The following SAP130 variants were observed in gnomAD, a reference collection of about 807,000 sequenced individuals.
SAP130 encodes the protein Sin3A associated protein 130.
Under a neutral mutation model 103.2 loss-of-function variants are expected in SAP130, and 16 were observed. The ratio of observed to expected loss-of-function variants is 0.16; its 90% CI spans 0.10 to 0.24. The LOEUF (loss-of-function observed/expected upper bound fraction) is 0.24, where lower values mean the gene tolerates loss of function less well. Among genes scored for constraint, SAP130 ranks in the 10% least tolerant of loss-of-function variants. The pLI, the probability that SAP130 is intolerant of heterozygous loss-of-function variation, is 1.00. For synonymous variants in SAP130, 477 were observed against 497.0 expected (o/e 0.96, Z 0.53); for missense variants, 990 against 1,359.7 (o/e 0.73, Z 4.28).
intron 13 of SAP130, among the ~76,000 whole-genome samples, chr2:127,987,662 A>G (rs905135467): frequency 1.3e-5 from 2 of 152,126 alleles, no homozygotes; most frequent in Non-Finnish European, 2.9e-5. Flanking sequence ...ACTGACAGAC[A>G]AGAAAGGCTT....
At chr2:127,959,889 A>G (rs1461260526) in intron 15 of SAP130, among the ~76,000 whole-genome samples, 1 of 152,196 alleles carries the variant, frequency 6.6e-6, no homozygotes. Flanking sequence ...AAAAAATGTA[A>G]TAACTGAAAT....
chr2:128,014,574 T>C (rs1230479781), intron 5 of SAP130, among the ~76,000 whole-genome samples: 2 of 152,214 alleles, frequency 1.3e-5, no homozygotes, highest in African/African-American at 4.8e-5. Flanking sequence ...TGGACTCAAG[T>C]GAACCTACCA....
rs902890744 is a variant in SAP130, at chr2:127,960,123, G to C, written c.2064-4779C>G. On this transcript the variant is annotated intron_variant, in intron 15 of 20. Transcript: ENST00000643581. ...TAATCTGAACAATATAGAGAAAACAGACTGAAGAGTGTGGATAGAATAAAG... is the reference window on the plus strand; with the variant it reads ...TAATCTGAACAATATAGAGAAAACACACTGAAGAGTGTGGATAGAATAAAG... Among the ~76,000 whole-genome samples the C allele has an allele frequency of 4.6e-5, 7 of 152,204 alleles. 1 individual carries two copies. Among genetic ancestry groups the C allele is most frequent in the African/African-American group, 1.7e-4 (7 of 41,452 alleles).
In SAP130 at chr2:127,941,929, G is replaced by GA. The variant is rs1335600527; in HGVS notation, c.*76dup. Reference sequence around the variant, plus strand: ...TCCTTTATTTCAATGTTCCACTTTGGAAAAAACCAAAACCCTCCCCCCACC... The same window carrying GA: ...TCCTTTATTTCAATGTTCCACTTTGGAAAAAAACCAAAACCCTCCCCCCACC... On this transcript the variant is annotated 3_prime_UTR_variant, in exon 21 of 21. Coordinates refer to ENST00000643581, the MANE Select transcript of SAP130 (RefSeq NM_001330301.2). The GA allele has an allele frequency of 1.4e-4, 75 of 541,142 alleles. No individual in the cohort carries two copies. The highest frequency in any genetic ancestry group is 2.5e-4 in the Non-Finnish European group (71 of 286,902). 33.5% of individuals were successfully genotyped at this position (541,142 alleles called of 1,614,324 possible).
chr2:128,006,087 T>TAAA (rs532598250), intron 7 of SAP130, among the ~76,000 whole-genome samples: 1 of 133,564 alleles, frequency 7.5e-6, no homozygotes, highest in Non-Finnish European at 1.6e-5. Flanking sequence ...TGTAAGCGGT[T>TAAA]AAAAAAAAAA....
At chr2:128,023,925 A>AG (rs1553517755) in intron 2 of SAP130, among the ~76,000 whole-genome samples, 18 of 136,316 alleles carry the variant, frequency 1.3e-4, no homozygotes, top group Non-Finnish European at 1.6e-4. Flanking sequence ...GAGAATAATA[A>AG]TATTCTCTAG....
At chr2:127,984,092 T>C (rs1257408983) in intron 14 of SAP130, among the ~76,000 whole-genome samples, 1 of 152,134 alleles carries the variant, frequency 6.6e-6, no homozygotes, top group African/African-American at 2.4e-5. Context: ...TCCTATCGTT[T>C]TCTCCAATTT....
intron 15 of SAP130, among the ~76,000 whole-genome samples, chr2:127,976,841 C>T (rs1272065264): frequency 2.6e-5 from 4 of 152,066 alleles, no homozygotes; most frequent in Admixed American, 2.0e-4. Flanking sequence ...ACCTGGGAGG[C>T]GGAGGTTGCA....
rs115955574 is a variant in SAP130, at chr2:127,966,416, C to G, written c.2064-11072G>C. On this transcript the variant is annotated intron_variant, in intron 15 of 20. Transcript: ENST00000643581. ...ATTCTTCAGCATTATAAAGGACCCT[C>G]TGTGGGCCGGGTGTGATGGCTCACA... Among the ~76,000 whole-genome samples, 693 of 151,524 alleles carry G rather than the reference C, an allele frequency of 4.6e-3. 6 individuals carry two copies. The highest frequency in any genetic ancestry group is 0.016 in the African/African-American group (651 of 41,424).
At chr2:127,944,647 C>T (rs925819507) in intron 19 of SAP130, among the ~76,000 whole-genome samples, 1 of 152,010 alleles carries the variant, frequency 6.6e-6, no homozygotes, top group South Asian at 2.1e-4. Flanking sequence ...GCCATGGTCT[C>T]GAACTCCTGA....
intron 14 of SAP130, among the ~76,000 whole-genome samples, chr2:127,978,347 G>A (rs966810336): frequency 1.3e-5 from 2 of 151,804 alleles, no homozygotes; most frequent in African/African-American, 4.8e-5. Flanking sequence ...GCTCCCTCCA[G>A]GAAGCAACCA....
intron 15 of SAP130, among the ~76,000 whole-genome samples, chr2:127,966,978 T>C (rs1004728608): frequency 6.6e-6 from 1 of 152,180 alleles, no homozygotes; most frequent in African/African-American, 2.4e-5. Context: ...TGGAAAAAGA[T>C]ATTTCATGAA....
At chr2:127,998,863 C>T (rs1045931365) in intron 10 of SAP130, among the ~76,000 whole-genome samples, 1 of 152,166 alleles carries the variant, frequency 6.6e-6, no homozygotes, top group East Asian at 1.9e-4. Flanking sequence ...ACTTGATAAA[C>T]GTTAAGCGTC....
intron 15 of SAP130, among the ~76,000 whole-genome samples, chr2:127,962,198 G>C (rs534692466): frequency 3.3e-5 from 5 of 152,042 alleles, no homozygotes; most frequent in Non-Finnish European, 7.4e-5. Flanking sequence ...CAAACTCCTG[G>C]GATTTTGCCA....
intron 14 of SAP130, among the ~76,000 whole-genome samples, chr2:127,981,679 ACC>A (rs373832521): frequency 7.2e-5 from 1 of 13,878 alleles, no homozygotes; most frequent in Non-Finnish European, 1.3e-4. Flanking sequence ...GTCCTCCTGC[ACC>A]CCCGACTCAG....
At chr2:128,017,124 C>T (rs943046368) in intron 3 of SAP130, among the ~76,000 whole-genome samples, 3 of 152,192 alleles carry the variant, frequency 2.0e-5, no homozygotes, top group African/African-American at 7.2e-5. Flanking sequence ...GAGTTTGAGA[C>T]CAGCCTGGCC....
intron 15 of SAP130, among the ~76,000 whole-genome samples, chr2:127,972,394 TG>T (rs774419598): frequency 2.2e-4 from 34 of 152,210 alleles, no homozygotes; most frequent in Non-Finnish European, 4.7e-4. Flanking sequence ...GAAGATCAGT[TG>T]AGGCCAGGAG....
rs116760843 is a variant in SAP130 at position 127,953,875 on chromosome 2, T to C, written c.2422+1111A>G. ...CTCCATAGAACTTATCACCCAAACA[T>C]ATATATACATACATACATACATATA... On this transcript the variant is annotated intron_variant, in intron 16 of 20. Coordinates refer to ENST00000643581, the MANE Select transcript of SAP130 (RefSeq NM_001330301.2). The surrounding 1 kb of genome is among the most constrained non-coding windows in gnomAD (Gnocchi z 4.0). Among the ~76,000 whole-genome samples the C allele has an allele frequency of 2.5e-4, 38 of 151,788 alleles. No individual in the cohort carries two copies. Among genetic ancestry groups the C allele is most frequent in the African/African-American group, 9.0e-4 (37 of 41,064 alleles).
At chr2:127,972,468 G>T (rs1348656998) in intron 15 of SAP130, among the ~76,000 whole-genome samples, 1 of 151,940 alleles carries the variant, frequency 6.6e-6, no homozygotes, top group Non-Finnish European at 1.5e-5. Flanking sequence ...ATGAAAATCA[G>T]CTTAGCAGGC....
Sources: gnomAD v4.1 joint callset for allele counts (sites outside exome capture counted in the v4.1 genomes callset) on GRCh38, gnomAD v4.1.1 for gene constraint, Gnocchi (gnomAD v3.1) non-coding constraint, MANE v1.5 for transcripts, NCBI Gene and HGNC (gene_info 2026-07-23, HGNC 2026-07-21) for gene names.